The following MKLN1 variants were observed in gnomAD, a reference collection of about 807,000 sequenced individuals.
MKLN1 encodes the protein muskelin 1, also known as muskelin.
MKLN1 carries 18 observed loss-of-function variants against 99.0 expected under a neutral mutation model. The ratio of observed to expected loss-of-function variants is 0.18; its 90% confidence interval spans 0.13 to 0.27. MKLN1 has a LOEUF of 0.27. Ranked by LOEUF, MKLN1 falls within the 10% of genes least tolerant of loss-of-function variation. The probability of loss-of-function intolerance (pLI) is 1.00; values close to 1 mark genes in which losing one functional copy is unlikely to be tolerated. For synonymous variants in MKLN1, 288 were observed against 293.2 expected (o/e 0.98, Z 0.18); for missense variants, 621 against 875.9 (o/e 0.71, Z 3.67).
rs1036840040 is a variant in MKLN1 at position 131,412,073 on chromosome 7, C to T, written c.781+690C>T. ...CTGCACTTCAACCTGGGCAACAGAG[C>T]GAGACTCTGTCTCAAAAAACAAAAC... On this transcript the variant is annotated intron_variant, in intron 7 of 17. Transcript: ENST00000352689. Among the ~76,000 whole-genome samples, 5 of 152,014 alleles carry T rather than the reference C, an allele frequency of 3.3e-5. No individual in the cohort carries two copies. In the Middle Eastern group the frequency reaches 0.01, roughly 310 times the overall value.
Position 131,437,962 on chromosome 7 carries a change from G to A in MKLN1, c.1138G>A (p.Ala380Thr), listed in dbSNP as rs1228858809. The A allele has an allele frequency of 6.2e-6, 10 of 1,613,786 alleles. No individual in the cohort carries two copies. The highest frequency in any genetic ancestry group is 8.5e-6 in the Non-Finnish European group (10 of 1,179,838). The change falls in exon 10 of 18, where the codon GCT becomes ACT. Residue 380 changes from alanine to threonine, a missense_variant. Transcript: ENST00000352689. ...GATGTTACTAAGTGAGGATACTGCT[G>A]CTGATGGAGGGCCGAAATTGGTGTT... ...TWMLLSEDTA[A>T]DGGPKLVFDH...
At chr7:131,332,443 C>G (rs1799105445) in intron 1 of MKLN1, among the ~76,000 whole-genome samples, 1 of 148,150 alleles carries the variant, frequency 6.7e-6, no homozygotes, top group Non-Finnish European at 1.5e-5. Context: ...AAAATAGACA[C>G]TTTTTATATC....
intron 1 of MKLN1, among the ~76,000 whole-genome samples, chr7:131,354,305 A>G (rs755646588): frequency 3.3e-5 from 5 of 152,036 alleles, no homozygotes; most frequent in Non-Finnish European, 5.9e-5. Flanking sequence ...TTCTTTTATC[A>G]GCATTTTGTA....
At chr7:131,264,732 T>C (rs1797782902) in intron 3 of MKLN1, among the ~76,000 whole-genome samples, 1 of 152,228 alleles carries the variant, frequency 6.6e-6, no homozygotes, top group Non-Finnish European at 1.5e-5. Context: ...AGAGAAGTTG[T>C]GAATTTTCTG....
chr7:131,371,560 T>C (rs1487167157), intron 1 of MKLN1, among the ~76,000 whole-genome samples: 1 of 152,170 alleles, frequency 6.6e-6, no homozygotes, highest in African/African-American at 2.4e-5. Flanking sequence ...CTAATAGGCA[T>C]GTGAAAATTC....
At chr7:131,434,725 T>C (rs140428342) in intron 9 of MKLN1, among the ~76,000 whole-genome samples, 44 of 152,236 alleles carry the variant, frequency 2.9e-4, no homozygotes, top group African/African-American at 9.6e-4. Flanking sequence ...AGCTAATTTT[T>C]AAATTATGTG....
chr7:131,389,083 A>G (rs1794117785), intron 4 of MKLN1, 111 bp downstream of exon 4: 1 of 621,538 alleles, frequency 1.6e-6, no homozygotes, highest in African/African-American at 1.9e-5. Context: ...ATACAATTTT[A>G]TGGGAATATT....
chr7:131,452,829 G>A (rs537641256), intron 12 of MKLN1, among the ~76,000 whole-genome samples: 3 of 152,098 alleles, frequency 2.0e-5, no homozygotes, highest in African/African-American at 4.8e-5. Context: ...GATTACAGGC[G>A]TGAGCCACTG....
intron 3 of MKLN1, among the ~76,000 whole-genome samples, chr7:131,257,862 G>A (rs1797679046): frequency 6.6e-6 from 1 of 152,186 alleles, no homozygotes; most frequent in African/African-American, 2.4e-5. Flanking sequence ...GTTTATGCCT[G>A]TAATCCCAAC....
intron 3 of MKLN1, among the ~76,000 whole-genome samples, chr7:131,302,417 A>G (rs1798389492): frequency 6.6e-6 from 1 of 152,220 alleles, no homozygotes; most frequent in African/African-American, 2.4e-5. Flanking sequence ...AAAGTGTGGA[A>G]GATCTTGACT....
intron 2 of MKLN1, among the ~76,000 whole-genome samples, chr7:131,378,568 G>T (rs995146767): frequency 4.6e-5 from 7 of 152,210 alleles, no homozygotes; most frequent in Non-Finnish European, 1.0e-4. Context: ...GGTGGCTCAT[G>T]CCTGTAATCC....
intron 3 of MKLN1, among the ~76,000 whole-genome samples, chr7:131,219,086 A>C (rs900718841): frequency 1.8e-4 from 27 of 152,224 alleles, no homozygotes; most frequent in Non-Finnish European, 1.5e-5. Context: ...TAATGGGTAC[A>C]AAGCTTCAGT....
chr7:131,162,084 A>C (rs1229528664), intron 2 of MKLN1, among the ~76,000 whole-genome samples: 3 of 150,544 alleles, frequency 2.0e-5, no homozygotes, highest in Non-Finnish European at 4.4e-5. Context: ...CCTAGGCCGG[A>C]GTGCAGTGGC....
At chr7:131,458,302 C>G (rs1796409525) in intron 12 of MKLN1, among the ~76,000 whole-genome samples, 1 of 152,202 alleles carries the variant, frequency 6.6e-6, no homozygotes, top group African/African-American at 2.4e-5. Context: ...TGCCTTAGCA[C>G]ATTTGCCGTA....
chr7:131,446,721 T>C (rs1053801921), intron 12 of MKLN1, among the ~76,000 whole-genome samples: 1 of 152,204 alleles, frequency 6.6e-6, no homozygotes, highest in Non-Finnish European at 1.5e-5. Context: ...TATTTTTAAA[T>C]TAAAATATTT....
At chr7:131,161,423 A>G (rs947245296) in intron 2 of MKLN1, among the ~76,000 whole-genome samples, 6 of 152,216 alleles carry the variant, frequency 3.9e-5, no homozygotes, top group African/African-American at 1.4e-4. Context: ...AAAAATTCAA[A>G]ATATAAAATG....
intron 2 of MKLN1, among the ~76,000 whole-genome samples, chr7:131,193,902 A>G (rs969288505): frequency 2.6e-5 from 4 of 152,024 alleles, no homozygotes; most frequent in African/African-American, 9.7e-5. Flanking sequence ...TGCCGGGATT[A>G]TAAGCATGAG....
At chr7:131,263,940 G>A (rs530373598) in intron 3 of MKLN1, among the ~76,000 whole-genome samples, 1 of 152,118 alleles carries the variant, frequency 6.6e-6, no homozygotes, top group Non-Finnish European at 1.5e-5. Flanking sequence ...GGAGTTGCCT[G>A]GCACCCAGGA....
chr7:131,275,567 A>ATTTT lies in MKLN1; in HGVS notation c.-179+72615_-179+72618dup, dbSNP rs869119196. On this transcript the variant is annotated intron_variant, in intron 3 of 7. Coordinates refer to the MKLN1 transcript ENST00000416992. Reference sequence around the variant, plus strand: ...TATATATATATATATATATATATATATTTTTTTTTTTTTTTTTTTTTTTTT... The same window carrying ATTTT: ...TATATATATATATATATATATATATATTTTTTTTTTTTTTTTTTTTTTTTTTTTT... 3.6e-3 allele frequency among the ~76,000 whole-genome samples: 20 copies of ATTTT among 5,610 alleles called. 2 individuals are homozygous for ATTTT. Among genetic ancestry groups the ATTTT allele is most frequent in the Non-Finnish European group, 5.1e-3 (13 of 2,536 alleles). The allele number at this position is 5,610 out of a possible 152,430, so 3.7% of individuals were successfully genotyped here.
Sources: allele counts gnomAD v4.1 joint callset (sites outside exome capture counted in the v4.1 genomes callset), GRCh38; gene constraint gnomAD v4.1.1; transcripts MANE v1.5; gene names NCBI Gene and HGNC (gene_info 2026-07-23, HGNC 2026-07-21).